The following RUSC2 variants were observed in gnomAD, a reference collection of about 807,000 sequenced individuals.
RUSC2 encodes AP-4 complex accessory subunit RUSC2.
RUSC2 carries 34 observed loss-of-function variants against 122.2 expected under a neutral mutation model. That is an observed-to-expected ratio of 0.28 (90% CI 0.21 to 0.37). RUSC2 has a LOEUF of 0.37. RUSC2 is among the 10% of genes least tolerant of loss of function. The pLI, the probability that RUSC2 is intolerant of heterozygous loss-of-function variation, is 1.00. For synonymous variants in RUSC2, 784 were observed against 790.0 expected (o/e 0.99, Z 0.13); for missense variants, 1,747 against 1,952.4 (o/e 0.89, Z 1.98).
In RUSC2 at chr9:35,556,458, A is replaced by G. The variant is rs774467352; in HGVS notation, c.2983+10A>G. 1.2e-6 allele frequency: 2 copies of G among 1,612,918 alleles called. No homozygotes were observed. Among genetic ancestry groups the G allele is most frequent in the South Asian group, 2.2e-5 (2 of 90,968 alleles). On this transcript the variant is annotated intron_variant, in intron 5 of 11. Coordinates refer to ENST00000361226, the MANE Select transcript of RUSC2 (RefSeq NM_014806.5). ...CTGCTTCAGAAAAAAGGTGCATACA[A>G]CCCCCAGCTCAGGCCAGGGACTCTG... is the stretch of plus-strand genomic sequence containing the variant.
At chr9:35,503,748 A>G (rs907701782) in intron 1 of RUSC2, among the ~76,000 whole-genome samples, 2 of 151,548 alleles carry the variant, frequency 1.3e-5, no homozygotes, top group Non-Finnish European at 2.9e-5. Context: ...CCTTTTCACC[A>G]CATCCACAGC....
At position 35,549,586 on chromosome 9, in the gene RUSC2, A is replaced by G. The variant is rs564850031; in HGVS notation, c.2014+1051A>G. 7.9e-5 allele frequency among the ~76,000 whole-genome samples: 12 copies of G among 152,360 alleles called. No individual in the cohort carries two copies. The East Asian group carries it at 2.3e-3, about 29-fold the overall frequency. ...TGTAAATCAGACTGAAACGTCAGGG[A>G]GGAACTGCTAATGCAGTTACATTTA... On this transcript the variant is annotated intron_variant, in intron 2 of 11. Transcript: ENST00000361226.
At chr9:35,544,169 G>GT (rs1821698089) in intron 1 of RUSC2, among the ~76,000 whole-genome samples, 2 of 152,220 alleles carry the variant, frequency 1.3e-5, no homozygotes, top group Admixed American at 1.3e-4. Flanking sequence ...GAGTGAAGTA[G>GT]TATCTCATTG....
At chr9:35,544,015 T>C (rs1411388279) in intron 1 of RUSC2, among the ~76,000 whole-genome samples, 1 of 152,244 alleles carries the variant, frequency 6.6e-6, no homozygotes, top group Non-Finnish European at 1.5e-5. Flanking sequence ...GTTTAACATT[T>C]TGATAAACTG....
chr9:35,547,007 A>C lies in RUSC2; in HGVS notation c.486A>C (p.Thr162=). ...GAGTGGGCAGGCCATGGGGGACAAC[A>C]CGCAGTCGGGCTGGAGTGGTGGAAG... The part of the protein sequence containing the change: ...GPRVGRPWGT[T]RSRAGVVEGQ... The change falls in exon 2 of 12, where the codon ACA becomes ACC. Residue 162 remains threonine (T), a synonymous_variant. Transcript: ENST00000361226. This position sits in a 1 kb window ranked among gnomAD's most constrained non-coding sequence, Gnocchi z 4.6. 1 of 1,604,884 alleles carries C rather than the reference A, an allele frequency of 6.2e-7. No individual in the cohort carries two copies. The highest frequency in any genetic ancestry group is 1.1e-5 in the South Asian group (1 of 89,396).
rs1171284665 is a variant in RUSC2 at position 35,558,190 on chromosome 9, C to G, written c.3061-7C>G. The G allele has an allele frequency of 6.2e-7, 1 of 1,611,380 alleles. No homozygotes were observed. Among genetic ancestry groups the G allele is most frequent in the Non-Finnish European group, 8.5e-7 (1 of 1,179,246 alleles). ...GGGTTTCCTGCACTTCCCTACCACA[C>G]CTACAGGCAAAGCTGGGAAACAGTT... On this transcript the variant is annotated splice_polypyrimidine_tract_variant and splice_region_variant and intron_variant, in intron 6 of 11. Transcript: ENST00000361226. The surrounding 1 kb of genome is among the most constrained non-coding windows in gnomAD (Gnocchi z 4.3).
intron 2 of RUSC2, chr9:35,549,004 C>T: frequency 1.1e-6 from 1 of 936,500 alleles, no homozygotes; most frequent in Non-Finnish European, 1.3e-6. Flanking sequence ...TGCACTCCAG[C>T]CTGGGCAGAC....
Position 35,557,915 on chromosome 9 carries a change from G to C in RUSC2, c.2985G>C (p.Gly995=). 6.2e-7 allele frequency: 1 copy of C among 1,614,142 alleles called. No individual in the cohort carries two copies. The highest frequency in any genetic ancestry group is 1.3e-5 in the African/African-American group (1 of 75,050). ...GTCACATCACATTCTTCCCTGCAGG[G>C]CTGGTAAAAGCTGTTAACATCGCTG... ...AISIDLLQKK[G]LVKAVNIAVD... Residue 995 remains glycine (G), a splice_region_variant and synonymous_variant, in exon 6 of 12, where the codon GGG becomes GGC. Coordinates refer to ENST00000361226, the MANE Select transcript of RUSC2 (RefSeq NM_014806.5). The surrounding 1 kb of genome is among the most constrained non-coding windows in gnomAD (Gnocchi z 4.6).
chr9:35,497,778 T>G (rs956234716), intron 1 of RUSC2, among the ~76,000 whole-genome samples: 2 of 152,208 alleles, frequency 1.3e-5, no homozygotes, highest in Non-Finnish European at 2.9e-5. Flanking sequence ...TCATTGGGCA[T>G]GCAGATTCAG....
At chr9:35,495,021 T>A (rs1378690479) in intron 1 of RUSC2, among the ~76,000 whole-genome samples, 1 of 17,766 alleles carries the variant, frequency 5.6e-5, no homozygotes, top group African/African-American at 1.7e-4. Flanking sequence ...CAGTATATAT[T>A]TTATATATTA....
At chr9:35,554,147 G>A (rs755038897) in intron 2 of RUSC2, among the ~76,000 whole-genome samples, 2 of 152,144 alleles carry the variant, frequency 1.3e-5, no homozygotes, top group East Asian at 1.9e-4. Context: ...GCCATCTTAC[G>A]TTTATTCGGA....
In RUSC2 at chr9:35,546,687, G is replaced by C; in HGVS notation, c.166G>C (p.Asp56His). The C allele has an allele frequency of 6.4e-7, 1 of 1,560,450 alleles. No individual in the cohort carries two copies. Among genetic ancestry groups the C allele is most frequent in the Non-Finnish European group, 8.7e-7 (1 of 1,155,326 alleles). ...ACCTGAGCTGGGCATCACCCAGCCCGATCAAGACCTAGGACAAGCTGACTC... is the reference window on the plus strand; with the variant it reads ...ACCTGAGCTGGGCATCACCCAGCCCCATCAAGACCTAGGACAAGCTGACTC... The part of the protein sequence containing the change: ...CPPELGITQP[D>H]QDLGQADSLL... Residue 56 changes from aspartate (D) to histidine (H), a missense_variant, in exon 2 of 12, where the codon GAT becomes CAT. Transcript: ENST00000361226. This position sits in a 1 kb window ranked among gnomAD's most constrained non-coding sequence, Gnocchi z 4.3.
At chr9:35,511,213 C>A (rs1385639419) in intron 1 of RUSC2, among the ~76,000 whole-genome samples, 1 of 152,136 alleles carries the variant, frequency 6.6e-6, no homozygotes, top group Non-Finnish European at 1.5e-5. Context: ...TCTTTCCTAG[C>A]TACTCAGCAG....
At chr9:35,511,907 G>A (rs1346894172) in intron 1 of RUSC2, among the ~76,000 whole-genome samples, 7 of 152,252 alleles carry the variant, frequency 4.6e-5, no homozygotes, top group South Asian at 2.1e-4. Flanking sequence ...TCGGCCGGGC[G>A]CGGTGGCTCA....
chr9:35,561,414 C>T lies in RUSC2; in HGVS notation c.*32C>T, dbSNP rs752362152. 15 of 1,552,570 alleles carry T rather than the reference C, an allele frequency of 9.7e-6. No homozygotes were observed. Among genetic ancestry groups the T allele is most frequent in the African/African-American group, 1.4e-5 (1 of 73,220 alleles). ...GTGCATGCTGGTGGCCTCAGGGACC[C>T]TCATAACCCCCAGACTCAGAGCCCG... is the stretch of plus-strand genomic sequence containing the variant. On this transcript the variant is annotated 3_prime_UTR_variant, in exon 12 of 12. Transcript: ENST00000361226.
chr9:35,521,375 A>G (rs1456566039), intron 1 of RUSC2, among the ~76,000 whole-genome samples: 1 of 152,228 alleles, frequency 6.6e-6, no homozygotes, highest in African/African-American at 2.4e-5. Context: ...CCTTTTGAGC[A>G]TAGAGACCCT....
intron 1 of RUSC2, among the ~76,000 whole-genome samples, chr9:35,506,705 C>CA (rs1206841886): frequency 6.6e-6 from 1 of 152,122 alleles, no homozygotes; most frequent in Non-Finnish European, 1.5e-5. Flanking sequence ...GTACAGAAGA[C>CA]AGAGTGGTCA....
chr9:35,538,765 C>G (rs191219845), intron 1 of RUSC2: 3 of 152,698 alleles, frequency 2.0e-5, no homozygotes, highest in Non-Finnish European at 2.9e-5. Context: ...CTACCCTCCC[C>G]CTTCCCTAGG....
intron 1 of RUSC2, among the ~76,000 whole-genome samples, chr9:35,519,651 A>G (rs1158490467): frequency 1.3e-5 from 2 of 152,142 alleles, no homozygotes; most frequent in Non-Finnish European, 2.9e-5. Flanking sequence ...TTTGCCTGCC[A>G]CTTCCCTGAC....
Sources: allele counts gnomAD v4.1 joint callset (sites outside exome capture counted in the v4.1 genomes callset), GRCh38; gene constraint gnomAD v4.1.1; non-coding constraint Gnocchi (gnomAD v3.1); transcripts MANE v1.5; gene names NCBI Gene and HGNC (gene_info 2026-07-23, HGNC 2026-07-21).